The following CNTNAP5 variants were observed in gnomAD, a reference collection of about 807,000 sequenced individuals.
CNTNAP5 encodes the protein contactin-associated protein-like 5.
A neutral mutation model predicts 150.2 loss-of-function variants in CNTNAP5; 72 were observed. That is an observed-to-expected ratio of 0.48 (90% CI 0.40 to 0.58). CNTNAP5 has a LOEUF of 0.58. CNTNAP5 is among the 20% of genes least tolerant of loss of function. The pLI is 0.00. For missense variants in CNTNAP5, 1,636 were observed against 1,626.2 expected, an observed-to-expected ratio of 1.01 and a Z score of -0.10; for synonymous variants, 672 against 619.8, an observed-to-expected ratio of 1.08 and a Z score of -1.25.
chr2:124,041,252 A>T (rs777750824), intron 1 of CNTNAP5, among the ~76,000 whole-genome samples: 33 of 152,236 alleles, frequency 2.2e-4, no homozygotes, highest in Non-Finnish European at 3.2e-4. Context: ...CTGCATAAAT[A>T]TCAATTTTTG....
At chr2:124,280,169 C>T (rs995375597) in intron 3 of CNTNAP5, among the ~76,000 whole-genome samples, 18 of 151,368 alleles carry the variant, frequency 1.2e-4, no homozygotes, top group African/African-American at 3.6e-4. Flanking sequence ...CATATATATA[C>T]GTATATATAT....
intron 19 of CNTNAP5, among the ~76,000 whole-genome samples, chr2:124,841,376 C>A: frequency 6.8e-6 from 1 of 146,392 alleles, no homozygotes; most frequent in East Asian, 1.9e-4. Context: ...ATATGCACTC[C>A]ATCTTTTTTT....
chr2:124,059,604 C>T lies in CNTNAP5; in HGVS notation c.82+33872C>T, dbSNP rs114505170. Among the ~76,000 whole-genome samples, 870 of 135,676 alleles carry T rather than the reference C, an allele frequency of 6.4e-3. 7 individuals carry two copies. Among genetic ancestry groups the T allele is most frequent in the African/African-American group, 0.021 (805 of 38,650 alleles). The allele number at this position is 135,676 out of a possible 152,430, so 89.0% of individuals were successfully genotyped here. ...GCACATATTAGGCACTCAATAACTG[C>T]ATTTTCTTTTTTTTTTAAATTGATT... On this transcript the variant is annotated intron_variant, in intron 1 of 23. Coordinates refer to ENST00000682447, the MANE Select transcript of CNTNAP5 (RefSeq NM_001367498.1).
Position 124,710,113 on chromosome 2 carries a change from C to T in CNTNAP5, c.2078-37116C>T, listed in dbSNP as rs562254786. Among the ~76,000 whole-genome samples the T allele has an allele frequency of 3.3e-4, 47 of 141,468 alleles. No homozygotes were observed. In the East Asian group the frequency reaches 7.7e-3, roughly 23 times the overall value. The allele number at this position is 141,468 out of a possible 152,430, so 92.8% of individuals were successfully genotyped here. A position where few individuals can be genotyped will look rare whatever the true frequency, so the allele number is the denominator to read the frequency against. On this transcript the variant is annotated intron_variant, in intron 13 of 23. Transcript: ENST00000682447. ...GAGTTTGACAATGTTGTGTTTATGC[C>T]GAGATGATGGTGAGCAGTGAAGAGA...
chr2:124,100,969 T>A (rs1683049798), intron 1 of CNTNAP5, among the ~76,000 whole-genome samples: 1 of 151,446 alleles, frequency 6.6e-6, no homozygotes, highest in African/African-American at 2.4e-5. Flanking sequence ...GATTCCTGAA[T>A]CGATGCACTT....
chr2:124,711,856 A>T (rs1429944329), intron 13 of CNTNAP5, among the ~76,000 whole-genome samples: 1 of 152,092 alleles, frequency 6.6e-6, no homozygotes, highest in Non-Finnish European at 1.5e-5. Context: ...AAACAATAAC[A>T]ATAATTTATA....
chr2:124,540,174 G>T (rs577997755), intron 10 of CNTNAP5, among the ~76,000 whole-genome samples: 1 of 152,254 alleles, frequency 6.6e-6, no homozygotes, highest in African/African-American at 2.4e-5. Flanking sequence ...GAATCACCTT[G>T]CTACCTGCTT....
rs374292038 is a variant in CNTNAP5, at chr2:124,042,917, G to T, written c.82+17185G>T. Reference sequence around the variant, plus strand: ...GACGTAACTACGTGACTCAGGAAAGGCCATGAACCAATCTATTTAGATGAC... The same window carrying T: ...GACGTAACTACGTGACTCAGGAAAGTCCATGAACCAATCTATTTAGATGAC... On this transcript the variant is annotated intron_variant, in intron 1 of 23. Transcript: ENST00000682447. Among the ~76,000 whole-genome samples the T allele has an allele frequency of 2.1e-3, 316 of 152,146 alleles. 4 individuals are homozygous for T. The South Asian group carries it at 0.029, about 14-fold the overall frequency.
intron 10 of CNTNAP5, among the ~76,000 whole-genome samples, chr2:124,553,818 T>A (rs1695687508): frequency 6.6e-6 from 1 of 152,082 alleles, no homozygotes; most frequent in Non-Finnish European, 1.5e-5. Context: ...AATTCAGTGC[T>A]CCAGACTGAA....
rs1474884566 is a variant in CNTNAP5, at chr2:124,588,209, T to C, written c.1757-21592T>C. On this transcript the variant is annotated intron_variant, in intron 11 of 23. Coordinates refer to ENST00000682447, the MANE Select transcript of CNTNAP5 (RefSeq NM_001367498.1). The stretch of plus-strand genomic sequence containing the variant: ...CTTTCTTTCTTTCTTTCTTTCTTTC[T>C]TTCTTTCTTTCTTTCTTTCTTTCTT... Among the ~76,000 whole-genome samples the C allele has an allele frequency of 1.1e-4, 16 of 148,122 alleles. 1 individual carries two copies. Among genetic ancestry groups the C allele is most frequent in the Admixed American group, 2.7e-4 (4 of 14,678 alleles).
chr2:124,610,584 G>A (rs1175328101), intron 12 of CNTNAP5, among the ~76,000 whole-genome samples: 1 of 152,026 alleles, frequency 6.6e-6, no homozygotes, highest in Non-Finnish European at 1.5e-5. Flanking sequence ...TCATTACATG[G>A]GCTTAGAAAT....
At chr2:124,725,935 G>A (rs1233734952) in intron 13 of CNTNAP5, among the ~76,000 whole-genome samples, 1 of 151,952 alleles carries the variant, frequency 6.6e-6, no homozygotes, top group East Asian at 1.9e-4. Context: ...TATTGTGTAT[G>A]TGTGTGGGTG....
chr2:124,613,359 C>T (rs903154463), intron 12 of CNTNAP5, among the ~76,000 whole-genome samples: 1 of 152,094 alleles, frequency 6.6e-6, no homozygotes, highest in African/African-American at 2.4e-5. Context: ...TCCAGAGCAC[C>T]AGAAGGCAGG....
chr2:124,451,305 A>G (rs1346433438), intron 6 of CNTNAP5, among the ~76,000 whole-genome samples: 4 of 151,728 alleles, frequency 2.6e-5, no homozygotes, highest in African/African-American at 9.7e-5. Flanking sequence ...AATCTCTGAG[A>G]ATAAGTTTCA....
chr2:124,111,422 G>C (rs73954558), intron 1 of CNTNAP5, among the ~76,000 whole-genome samples: 1 of 152,056 alleles, frequency 6.6e-6, no homozygotes, highest in African/African-American at 2.4e-5. Flanking sequence ...TTGTAGCTTG[G>C]CATGACTGAT....
intron 1 of CNTNAP5, among the ~76,000 whole-genome samples, chr2:124,131,142 T>C (rs1279927123): frequency 1.3e-5 from 2 of 152,198 alleles, no homozygotes; most frequent in African/African-American, 4.8e-5. Context: ...TGGGTTATTG[T>C]ACTGACCCTG....
At chr2:124,776,244 G>T (rs1046756516) in intron 17 of CNTNAP5, among the ~76,000 whole-genome samples, 1 of 151,980 alleles carries the variant, frequency 6.6e-6, no homozygotes, top group Non-Finnish European at 1.5e-5. Context: ...CTCATTTTAT[G>T]ACTCTATTTC....
chr2:124,905,128 T>G (rs1358204150), intron 22 of CNTNAP5, among the ~76,000 whole-genome samples: 1 of 146,362 alleles, frequency 6.8e-6, no homozygotes, highest in African/African-American at 2.5e-5. Flanking sequence ...TTTTTTTTGT[T>G]TTTTTTTTTT....
chr2:124,528,910 G>C (rs1428789805), intron 10 of CNTNAP5, among the ~76,000 whole-genome samples: 2 of 152,166 alleles, frequency 1.3e-5, no homozygotes, highest in African/African-American at 2.4e-5. Flanking sequence ...CTACTGAGGG[G>C]CACAGAAATC....
Sources: allele counts gnomAD v4.1 joint callset (sites outside exome capture counted in the v4.1 genomes callset), GRCh38; gene constraint gnomAD v4.1.1; transcripts MANE v1.5; gene names NCBI Gene and HGNC (gene_info 2026-07-23, HGNC 2026-07-21).